Variants in SEC24D observed in about 807,000 individuals in gnomAD.
The protein encoded by SEC24D is protein transport protein Sec24D.
SEC24D carries 69 observed loss-of-function variants against 116.9 expected under a neutral mutation model. That is an observed-to-expected ratio of 0.59 (90% CI 0.49 to 0.72). The LOEUF (loss-of-function observed/expected upper bound fraction) is 0.72. Ranked by LOEUF, SEC24D falls within the 30% of genes least tolerant of loss-of-function variation. SEC24D has a pLI of 0.00. For synonymous variants in SEC24D, 405 were observed against 442.8 expected (o/e 0.91, Z 1.07); for missense variants, 1,131 against 1,264.1 (o/e 0.89, Z 1.60).
At chr4:118,784,354 T>C (rs952502660) in intron 8 of SEC24D, among the ~76,000 whole-genome samples, 8 of 152,232 alleles carry the variant, frequency 5.3e-5, no homozygotes, top group Non-Finnish European at 4.4e-5. Flanking sequence ...ACATTTTCTA[T>C]GCTTTTCTGT....
intron 6 of SEC24D, among the ~76,000 whole-genome samples, chr4:118,813,937 T>A (rs1730025312): frequency 6.6e-6 from 1 of 152,102 alleles, no homozygotes; most frequent in Non-Finnish European, 1.5e-5. Flanking sequence ...CTGGCCCAGA[T>A]TAGAAAAACC....
intron 7 of SEC24D, among the ~76,000 whole-genome samples, chr4:118,802,637 C>T (rs373820361): frequency 4.3e-4 from 66 of 152,312 alleles, no homozygotes; most frequent in Non-Finnish European, 7.4e-4. Flanking sequence ...GGAGAGAGAA[C>T]GATGACTGAG....
At chr4:118,815,863 T>C in intron 4 of SEC24D, 137 bp from the exon 5 acceptor site, 5 of 853,862 alleles carry the variant, frequency 5.9e-6, no homozygotes, top group Middle Eastern at 2.3e-4. Context: ...TTTGGGTTTT[T>C]TGCCACAAAT....
intron 8 of SEC24D, among the ~76,000 whole-genome samples, chr4:118,780,548 G>T (rs1728352110): frequency 6.6e-6 from 1 of 152,188 alleles, no homozygotes; most frequent in South Asian, 2.1e-4. Context: ...GAATAAGCGT[G>T]ATGTGGTACT....
At chr4:118,801,259 C>T (rs1729432463) in intron 7 of SEC24D, among the ~76,000 whole-genome samples, 2 of 144,574 alleles carry the variant, frequency 1.4e-5, no homozygotes, top group African/African-American at 2.6e-5. Flanking sequence ...AAGACTCCAT[C>T]TCAAAAAAAA....
At chr4:118,801,867 G>A (rs995141994) in intron 7 of SEC24D, among the ~76,000 whole-genome samples, 1 of 152,246 alleles carries the variant, frequency 6.6e-6, no homozygotes, top group Non-Finnish European at 1.5e-5. Context: ...TCTGGCTACC[G>A]TGGATAATTT....
intron 15 of SEC24D, among the ~76,000 whole-genome samples, chr4:118,743,724 G>A (rs188200373): frequency 1.3e-5 from 2 of 152,194 alleles, no homozygotes; most frequent in African/African-American, 4.8e-5. Flanking sequence ...TTATCCTATA[G>A]GGGATAATGA....
At chr4:118,820,176 A>C (rs1730335672) in intron 3 of SEC24D, among the ~76,000 whole-genome samples, 1 of 150,394 alleles carries the variant, frequency 6.6e-6, no homozygotes, top group African/African-American at 2.5e-5. Context: ...AAATTAGTTT[A>C]ATTTTTTTTT....
intron 2 of SEC24D, among the ~76,000 whole-genome samples, chr4:118,828,447 T>C (rs934495081): frequency 2.6e-5 from 4 of 152,118 alleles, no homozygotes; most frequent in African/African-American, 9.7e-5. Context: ...TCCAGACCAG[T>C]GTCCTCAAGC....
intron 8 of SEC24D, among the ~76,000 whole-genome samples, chr4:118,790,708 C>T (rs1272802694): frequency 1.3e-5 from 2 of 151,654 alleles, no homozygotes; most frequent in African/African-American, 2.4e-5. Context: ...TCGTCCAAAC[C>T]GCTTGGGTTA....
In SEC24D at chr4:118,739,181, G is replaced by A. The variant is rs752649946; in HGVS notation, c.2345C>T (p.Thr782Ile). ...GGCAAAGAAGTTGATAAGAGCATCT[G>A]TCTCACAGCTCTTATAAAGATCAGC... ...QLADLYKSCE[T>I]DALINFFAKS... Residue 782 changes from threonine (T) to isoleucine (I), a missense_variant, in exon 18 of 23, where the codon ACA becomes ATA. By Grantham distance (89) the Thr-to-Ile change is moderately conservative. Coordinates refer to ENST00000280551, the MANE Select transcript of SEC24D (RefSeq NM_014822.4). The A allele has an allele frequency of 6.2e-7, 1 of 1,613,312 alleles. No individual in the cohort carries two copies. Among genetic ancestry groups the A allele is most frequent in the African/African-American group, 1.3e-5 (1 of 74,906 alleles).
chr4:118,819,530 C>CAAA (rs373794417), intron 3 of SEC24D, among the ~76,000 whole-genome samples: 193 of 59,980 alleles, frequency 3.2e-3, no homozygotes, highest in East Asian at 6.6e-3. Flanking sequence ...GACCCCGTCT[C>CAAA]AAAAAAAAAA....
chr4:118,804,885 T>TACACACACACATACACAC (rs1553929448), intron 7 of SEC24D, among the ~76,000 whole-genome samples: 2 of 140,910 alleles, frequency 1.4e-5, no homozygotes, highest in Non-Finnish European at 3.1e-5. Flanking sequence ...TATGCATGCA[T>TACACACACACATACACAC]ACACACACAC....
chr4:118,809,507 G>C (rs921015049), intron 6 of SEC24D, among the ~76,000 whole-genome samples: 2 of 152,050 alleles, frequency 1.3e-5, no homozygotes, highest in African/African-American at 4.8e-5. Flanking sequence ...ATGTTCCTTT[G>C]GTAATAGGAA....
intron 8 of SEC24D, among the ~76,000 whole-genome samples, chr4:118,780,272 A>G (rs1393167104): frequency 2.0e-5 from 3 of 152,100 alleles, no homozygotes; most frequent in Non-Finnish European, 4.4e-5. Context: ...ACTGCTTTAT[A>G]TGTGTCCCAG....
At chr4:118,796,276 C>T (rs1208166009) in intron 8 of SEC24D, among the ~76,000 whole-genome samples, 1 of 152,184 alleles carries the variant, frequency 6.6e-6, no homozygotes, top group Non-Finnish European at 1.5e-5. Flanking sequence ...TACATAGCGG[C>T]ATCTCTGTCA....
At chr4:118,748,558 T>C (rs1231820999) in intron 13 of SEC24D, among the ~76,000 whole-genome samples, 1 of 152,146 alleles carries the variant, frequency 6.6e-6, no homozygotes, top group Non-Finnish European at 1.5e-5. Flanking sequence ...ATGAATGCCA[T>C]ATATCATTCT....
chr4:118,731,184 A>G, intron 21 of SEC24D, 132 bp downstream of exon 21: 7 of 756,456 alleles, frequency 9.3e-6, no homozygotes, highest in Non-Finnish European at 1.5e-5. Flanking sequence ...AAAACATGAA[A>G]TTATTTCTTT....
At chr4:118,824,143 A>G (rs1730503535) in intron 3 of SEC24D, among the ~76,000 whole-genome samples, 2 of 152,066 alleles carry the variant, frequency 1.3e-5, no homozygotes, top group African/African-American at 4.8e-5. Context: ...CTTTTTCTTC[A>G]TAACTTTTCT....
Sources: gnomAD v4.1 joint callset for allele counts (sites outside exome capture counted in the v4.1 genomes callset) on GRCh38, gnomAD v4.1.1 for gene constraint, MANE v1.5 for transcripts, NCBI Gene and HGNC (gene_info 2026-07-23, HGNC 2026-07-21) for gene names.